The following PRKCQ variants were observed in gnomAD, a reference collection of about 807,000 sequenced individuals.
The protein encoded by PRKCQ is protein kinase C theta, also known as protein kinase C theta type.
A neutral mutation model predicts 91.2 loss-of-function variants in PRKCQ; 41 were observed. That is an observed-to-expected ratio of 0.45 (90% CI 0.35 to 0.58). The LOEUF (loss-of-function observed/expected upper bound fraction) is 0.58, where lower values mean the gene tolerates loss of function less well. Ranked by LOEUF, PRKCQ falls within the 20% of genes least tolerant of loss-of-function variation. The probability of loss-of-function intolerance (pLI) is 0.00; values close to 1 mark genes in which losing one functional copy is unlikely to be tolerated. For synonymous variants in PRKCQ, 307 were observed against 316.9 expected, an observed-to-expected ratio of 0.97 and a Z score of 0.33; for missense variants, 673 against 896.5, an observed-to-expected ratio of 0.75 and a Z score of 3.18.
At chr10:6,556,914 T>C (rs1248026564) in intron 1 of PRKCQ, among the ~76,000 whole-genome samples, 3 of 152,160 alleles carry the variant, frequency 2.0e-5, no homozygotes, top group African/African-American at 7.2e-5. Flanking sequence ...CATAAATGGC[T>C]CAACTTCCTT....
In PRKCQ at chr10:6,498,386, G is replaced by A. The variant is rs199598076; in HGVS notation, c.542+10C>T. ...CCCGAAGCTTGGAGGGAGATGCCAA[G>A]TTACTGTACCAGACAAACTCGTGGC... On this transcript the variant is annotated intron_variant, in intron 5 of 17. Coordinates refer to ENST00000263125, the MANE Select transcript of PRKCQ (RefSeq NM_006257.5). The A allele has an allele frequency of 8.1e-6, 13 of 1,613,874 alleles. No individual in the cohort carries two copies. The highest frequency in any genetic ancestry group is 1.1e-5 in the Non-Finnish European group (13 of 1,179,916).
the PRKCQ span, among the ~76,000 whole-genome samples, chr10:6,415,376 A>G: frequency 2.0e-4 from 30 of 147,384 alleles, 2 homozygotes; most frequent in African/African-American, 6.8e-4. Flanking sequence ...ACCTAGTGAT[A>G]AAGAGAAAAT....
chr10:6,459,626 C>T (rs775613796), intron 14 of PRKCQ, among the ~76,000 whole-genome samples: 23 of 152,168 alleles, frequency 1.5e-4, no homozygotes, highest in Admixed American at 2.0e-4. Flanking sequence ...CCTTGATTAT[C>T]GAGGTGGGCC....
chr10:6,409,756 G>T, the PRKCQ span, among the ~76,000 whole-genome samples: 1 of 151,984 alleles, frequency 6.6e-6, no homozygotes, highest in Non-Finnish European at 1.5e-5. Flanking sequence ...TAGCTTGGAG[G>T]AGATAATGTA....
At chr10:6,412,598 G>A in the PRKCQ span, among the ~76,000 whole-genome samples, 1 of 152,148 alleles carries the variant, frequency 6.6e-6, no homozygotes, top group Non-Finnish European at 1.5e-5. Context: ...AGATATGTAT[G>A]GTAAAATAAT....
At chr10:6,521,914 T>G (rs887772683) in intron 1 of PRKCQ, among the ~76,000 whole-genome samples, 4 of 50,538 alleles carry the variant, frequency 7.9e-5, no homozygotes, top group African/African-American at 1.2e-4. Context: ...GATGTTATGT[T>G]ATGTTATGTT....
At chr10:6,570,638 T>C (rs1809112934) in intron 1 of PRKCQ, among the ~76,000 whole-genome samples, 1 of 149,788 alleles carries the variant, frequency 6.7e-6, no homozygotes, top group African/African-American at 2.5e-5. Context: ...CACTGCAACC[T>C]CTGTCTCCTG....
chr10:6,527,646 A>G (rs964793926), intron 1 of PRKCQ, among the ~76,000 whole-genome samples: 1 of 152,170 alleles, frequency 6.6e-6, no homozygotes, highest in Non-Finnish European at 1.5e-5. Context: ...CCACCGTGCC[A>G]TTCTTTTTCC....
chr10:6,395,596 T>G, the PRKCQ span, among the ~76,000 whole-genome samples: 8 of 152,274 alleles, frequency 5.3e-5, no homozygotes, highest in East Asian at 1.5e-3. Context: ...ATCTTGTGGC[T>G]AATTTCTTAG....
chr10:6,428,058 A>T lies in PRKCQ; in HGVS notation c.*149T>A. ...GAAGTAGACTTGGTTTCTGCTACAG[A>T]TAAAAGTCACATGGGGGCGAACGGG... On this transcript the variant is annotated 3_prime_UTR_variant, in exon 18 of 18. Transcript: ENST00000263125. 1.0e-6 allele frequency: 1 copy of T among 958,266 alleles called. No homozygotes were observed. The highest frequency in any genetic ancestry group is 1.5e-6 in the Non-Finnish European group (1 of 647,022). 59.4% of individuals were successfully genotyped at this position (958,266 alleles called of 1,614,324 possible). A position where few individuals can be genotyped will look rare whatever the true frequency, so the allele number is the denominator to read the frequency against.
intron 1 of PRKCQ, among the ~76,000 whole-genome samples, chr10:6,561,042 A>AG (rs1312861329): frequency 6.6e-6 from 1 of 151,316 alleles, no homozygotes; most frequent in Admixed American, 6.6e-5. Context: ...CCATTTCAAA[A>AG]AAAAAAAAAA....
intron 12 of PRKCQ, 60 bp from the exon 13 acceptor site, chr10:6,464,464 G>T (rs927263868): frequency 7.0e-7 from 1 of 1,438,020 alleles, no homozygotes; most frequent in Non-Finnish European, 9.7e-7. Context: ...TATTTATTTT[G>T]TCCAAGACAG....
chr10:6,472,124 C>G (rs569841011), intron 12 of PRKCQ, among the ~76,000 whole-genome samples: 1 of 152,032 alleles, frequency 6.6e-6, no homozygotes, highest in African/African-American at 2.4e-5. Context: ...CTGGCTAACA[C>G]GGTGAAACCC....
the PRKCQ span, among the ~76,000 whole-genome samples, chr10:6,400,448 T>C: frequency 1.3e-5 from 2 of 152,182 alleles, no homozygotes; most frequent in East Asian, 1.9e-4. Context: ...GCAGGTGAGA[T>C]GACTTAATAC....
intron 15 of PRKCQ, among the ~76,000 whole-genome samples, chr10:6,442,900 T>C (rs1458202034): frequency 6.6e-6 from 1 of 152,038 alleles, no homozygotes; most frequent in Non-Finnish European, 1.5e-5. Flanking sequence ...AGGCAGTGGT[T>C]GCAGTGAGCC....
intron 12 of PRKCQ, among the ~76,000 whole-genome samples, chr10:6,474,894 T>C (rs2130750518): frequency 6.6e-6 from 1 of 152,290 alleles, no homozygotes; most frequent in South Asian, 2.1e-4. Context: ...GCATCCGCAC[T>C]GAAGGGGGTA....
chr10:6,476,650 T>G (rs993355614), intron 12 of PRKCQ, among the ~76,000 whole-genome samples: 1 of 152,228 alleles, frequency 6.6e-6, no homozygotes, highest in Admixed American at 6.5e-5. Flanking sequence ...ATTCAATAAA[T>G]CTGTCATTGG....
chr10:6,447,402 ACCTC>A (rs1834371378), intron 15 of PRKCQ, among the ~76,000 whole-genome samples: 2 of 115,252 alleles, frequency 1.7e-5, no homozygotes, highest in African/African-American at 3.4e-5. Flanking sequence ...GCAAGACTCC[ACCTC>A]AAAAAAAAAA....
intron 1 of PRKCQ, among the ~76,000 whole-genome samples, chr10:6,560,778 G>A (rs924019221): frequency 1.8e-4 from 28 of 152,150 alleles, no homozygotes; most frequent in Admixed American, 3.3e-4. Flanking sequence ...GGTGTCTCAT[G>A]TCTGTAATCC....
Sources: gnomAD v4.1 joint callset for allele counts (sites outside exome capture counted in the v4.1 genomes callset) on GRCh38, gnomAD v4.1.1 for gene constraint, MANE v1.5 for transcripts, NCBI Gene and HGNC (gene_info 2026-07-23, HGNC 2026-07-21) for gene names.